CHTF18: variants seen among roughly 807,000 people sequenced by gnomAD.
CHTF18 encodes the protein chromosome transmission fidelity factor 18, also known as chromosome transmission fidelity protein 18 homolog.
Under a neutral mutation model 113.4 loss-of-function variants are expected in CHTF18, and 151 were observed. That is an observed-to-expected ratio of 1.33 (90% CI 1.17 to 1.52). The LOEUF is 1.52. Among genes scored for constraint, CHTF18 ranks in the 40% most tolerant of loss-of-function variants. The pLI, the probability that CHTF18 is intolerant of heterozygous loss-of-function variation, is 0.00. For missense variants in CHTF18, 1,982 were observed against 1,381.6 expected, an observed-to-expected ratio of 1.43 and a Z score of -6.89; for synonymous variants, 916 against 598.8, an observed-to-expected ratio of 1.53 and a Z score of -7.74.
At position 795,768 on chromosome 16, in the gene CHTF18, G is replaced by A. The variant is rs781682245; in HGVS notation, c.2259G>A (p.Thr753=). The A allele has an allele frequency of 2.1e-5, 34 of 1,609,228 alleles. No homozygotes were observed. Among genetic ancestry groups the A allele is most frequent in the South Asian group, 4.4e-5 (4 of 90,608 alleles). ...GIAPATRSRA[T]PQALLLDALC... ...CGCCAGCCACGCGCAGCCGGGCCAC[G>A]CCCCAGGCCCTGCTCCTCGATGCCC... The change falls in exon 17 of 22, where the codon ACG becomes ACA. Residue 753 remains threonine (T), a synonymous_variant. Coordinates refer to ENST00000262315, the MANE Select transcript of CHTF18 (RefSeq NM_022092.3).
At position 792,933 on chromosome 16, in the gene CHTF18, C is replaced by G. The variant is rs1039287905; in HGVS notation, c.1573-33C>G. 20 of 1,544,352 alleles carry G rather than the reference C, an allele frequency of 1.3e-5. 1 individual carries two copies. In the Admixed American group the frequency reaches 1.8e-4, roughly 14 times the overall value. On this transcript the variant is annotated intron_variant, in intron 12 of 21. Transcript: ENST00000262315. ...GTAACCCCTGAAAGGATGGGGCATA[C>G]CATCGGGCCCTCCAGCAGCCCTTCT...
At chr16:789,975 C>G (rs755048894) in intron 4 of CHTF18, 2 of 1,535,058 alleles carry the variant, frequency 1.3e-6, no homozygotes, top group South Asian at 1.2e-5. Context: ...TTCCTCCTTT[C>G]TCCTAAAGCT....
rs1326073376 is a variant in CHTF18 at position 792,962 on chromosome 16, C to G, written c.1573-4C>G. On this transcript the variant is annotated splice_region_variant and splice_polypyrimidine_tract_variant and intron_variant, in intron 12 of 21. Transcript: ENST00000262315. Reference sequence around the variant, plus strand: ...CGGGCCCTCCAGCAGCCCTTCTCCACCAGGTCTCCCTGCGGCAGGGCATGA... The same window carrying G: ...CGGGCCCTCCAGCAGCCCTTCTCCAGCAGGTCTCCCTGCGGCAGGGCATGA... 1 of 1,554,404 alleles carries G rather than the reference C, an allele frequency of 6.4e-7. No homozygotes were observed. The highest frequency in any genetic ancestry group is 1.4e-5 in the African/African-American group (1 of 73,284).
At position 791,260 on chromosome 16, in the gene CHTF18, G is replaced by T; in HGVS notation, c.994G>T (p.Ala332Ser). Residue 332 changes from alanine to serine, a missense_variant, in exon 8 of 22, where the codon GCC (alanine) becomes TCC (serine). Transcript: ENST00000262315. ...GAAGCCCAGGCCCAGTGTTGAGCCG[G>T]CCCGGGTCAGCAAGGAGGCCACAGC... Reference protein sequence around the residue: ...SRKPRPSVEPARVSKEATAPG... With the variant: ...SRKPRPSVEPSRVSKEATAPG... 6.2e-7 allele frequency: 1 copy of T among 1,610,318 alleles called. No homozygotes were observed. The highest frequency in any genetic ancestry group is 1.3e-5 in the African/African-American group (1 of 75,038).
At chr16:789,824 C>G (rs2277900) in intron 4 of CHTF18, 109 bp downstream of exon 4, 1 of 1,379,266 alleles carries the variant, frequency 7.3e-7, no homozygotes, top group Middle Eastern at 1.9e-4. Context: ...CTGTGCAGAG[C>G]CCCAGGGGTG....
rs369340732 is a variant in CHTF18, at chr16:792,604, C to T, written c.1478+14C>T. The T allele has an allele frequency of 1.0e-4, 167 of 1,593,110 alleles. 1 individual carries two copies. The African/African-American group carries it at 1.3e-3, about 12-fold the overall frequency. On this transcript the variant is annotated intron_variant, in intron 11 of 21. Transcript: ENST00000262315. ...TTGCAATGACCAGTGAGTGCATGGG[C>T]GGGCGCCACAGTCAGGAGAGGCTCT... is the stretch of plus-strand genomic sequence containing the variant.
chr16:788,926 A>C lies in CHTF18; in HGVS notation c.92-5A>C. ...GCGGCCGCTGACAATCTCCTCTCCC[A>C]GCAGGGGCGTCGACTCCGTCGCCCT... On this transcript the variant is annotated splice_polypyrimidine_tract_variant and splice_region_variant and intron_variant, in intron 1 of 21. Transcript: ENST00000262315. 1.3e-6 allele frequency: 2 copies of C among 1,543,022 alleles called. No homozygotes were observed. Among genetic ancestry groups the C allele is most frequent in the Non-Finnish European group, 1.7e-6 (2 of 1,154,180 alleles).
chr16:792,527 G>GC lies in CHTF18; in HGVS notation c.1417dup (p.Arg473ProfsTer20). On this transcript the variant is annotated frameshift_variant, in exon 11 of 22. Transcript: ENST00000262315. LOFTEE classifies it high-confidence loss of function. ...GGCCCGGCTGTGCCTTCGGGAGGCG[G>GC]CCGACGGCGCCGGGCAGAGGGGGGG... 1 of 1,593,824 alleles carries GC rather than the reference G, an allele frequency of 6.3e-7. No homozygotes were observed. Among genetic ancestry groups the GC allele is most frequent in the Non-Finnish European group, 8.5e-7 (1 of 1,174,034 alleles).
At position 789,063 on chromosome 16, in the gene CHTF18, A is replaced by G. The variant is rs1210986444; in HGVS notation, c.224A>G (p.Gln75Arg). ...CCAGCCGCATCTGTGGGCAGCAGCC[A>G]GGGCGGCGCCAGGAAGAGGCAGGTG... ...PAPAASVGSS[Q>R]GGARKRQVDA... Residue 75 changes from glutamine to arginine, a missense_variant, in exon 2 of 22, where the codon CAG becomes CGG. Transcript: ENST00000262315. The G allele has an allele frequency of 6.5e-7, 1 of 1,537,540 alleles. No homozygotes were observed.
Position 792,962 on chromosome 16 carries a change from C to T in CHTF18, c.1573-4C>T, listed in dbSNP as rs1326073376. On this transcript the variant is annotated splice_region_variant and splice_polypyrimidine_tract_variant and intron_variant, in intron 12 of 21. Coordinates refer to ENST00000262315, the MANE Select transcript of CHTF18 (RefSeq NM_022092.3). ...CGGGCCCTCCAGCAGCCCTTCTCCA[C>T]CAGGTCTCCCTGCGGCAGGGCATGA... 1 of 1,554,404 alleles carries T rather than the reference C, an allele frequency of 6.4e-7. No homozygotes were observed. Among genetic ancestry groups the T allele is most frequent in the Admixed American group, 1.9e-5 (1 of 51,892 alleles).
chr16:798,055 C>G lies in CHTF18; in HGVS notation c.*80C>G. On this transcript the variant is annotated 3_prime_UTR_variant, in exon 22 of 22. Transcript: ENST00000262315. ...GAAGCTGGAGATGTCTTTATAAAGT[C>G]ACACCTTTACAGACTGTAATCACGT... The G allele has an allele frequency of 6.6e-7, 1 of 1,512,882 alleles. No individual in the cohort carries two copies. The highest frequency in any genetic ancestry group is 8.9e-7 in the Non-Finnish European group (1 of 1,122,172). The allele number at this position is 1,512,882 out of a possible 1,614,324, so 93.7% of individuals were successfully genotyped here. A position where few individuals can be genotyped will look rare whatever the true frequency, so the allele number is the denominator to read the frequency against.
intron 17 of CHTF18, 32 bp from the exon 18 acceptor site, chr16:795,915 C>G (rs369717954): frequency 6.2e-6 from 10 of 1,601,810 alleles, no homozygotes; most frequent in Admixed American, 1.7e-5. Flanking sequence ...ACAGCCTGCT[C>G]AGCTCCCTGT....
chr16:794,056 G>A lies in CHTF18; in HGVS notation c.1805G>A (p.Arg602His), dbSNP rs540462587. ...TAGCTTCAGCACCCCACCTGCAGGC[G>A]CCGTGTGGGCCAGGACCCCGCCCTG... The part of the protein sequence containing the change: ...EVFQLPRAQR[R>H]RVGQDPALPA... Residue 602 changes from arginine (R) to histidine (H), a missense_variant and splice_region_variant, in exon 15 of 22, where the codon CGC becomes CAC. Physicochemically the swap from Arg to His is conservative, Grantham distance 29. Coordinates refer to ENST00000262315, the MANE Select transcript of CHTF18 (RefSeq NM_022092.3). The A allele has an allele frequency of 3.1e-5, 50 of 1,608,872 alleles. No homozygotes were observed. The highest frequency in any genetic ancestry group is 5.3e-5 in the African/African-American group (4 of 74,936).
In CHTF18 at chr16:792,876, C is replaced by G; in HGVS notation, c.1572+65C>G. The G allele has an allele frequency of 2.6e-6, 4 of 1,528,610 alleles. 1 individual carries two copies. Among genetic ancestry groups the G allele is most frequent in the Middle Eastern group, 1.8e-4 (1 of 5,422 alleles). The allele number at this position is 1,528,610 out of a possible 1,614,324, so 94.7% of individuals were successfully genotyped here. A position where few individuals can be genotyped will look rare whatever the true frequency, so the allele number is the denominator to read the frequency against. On this transcript the variant is annotated intron_variant, in intron 12 of 21. Coordinates refer to ENST00000262315, the MANE Select transcript of CHTF18 (RefSeq NM_022092.3). ...TTGGGGGCGTGGCCTCGTTCTGGCCCCTGTTTCCCTGCCCCTCCCCATGGA... is the reference window on the plus strand; with the variant it reads ...TTGGGGGCGTGGCCTCGTTCTGGCCGCTGTTTCCCTGCCCCTCCCCATGGA...
In CHTF18 at chr16:791,185, T is replaced by G. The variant is rs1567395500; in HGVS notation, c.919T>G (p.Trp307Gly). 8.1e-6 allele frequency: 13 copies of G among 1,611,416 alleles called. No homozygotes were observed. The highest frequency in any genetic ancestry group is 1.1e-5 in the Non-Finnish European group (13 of 1,179,484). ...GTTCACCAACCGCTGCCTGCTCAAG[T>G]GGCTGAAGTTGTGGGACCTGGTGGT... ...DDFTNRCLLK[W>G]LKLWDLVVFG... is the part of the protein sequence containing the mutation. The change falls in exon 8 of 22, where the codon TGG (tryptophan) becomes GGG (glycine). Residue 307 changes from tryptophan (W) to glycine (G), a missense_variant. Transcript: ENST00000262315.
In CHTF18 at chr16:796,894, G is replaced by A. The variant is rs200283595; in HGVS notation, c.2601+33G>A. The A allele has an allele frequency of 1.7e-3, 2,704 of 1,568,332 alleles. 4 individuals are homozygous for A. Among genetic ancestry groups the A allele is most frequent in the Non-Finnish European group, 2.1e-3 (2,399 of 1,153,718 alleles). ...CACCCAGGCTCTGGAGCAGGTTGCA[G>A]TCTGGGCGTGCACCATCCCCACTGT... On this transcript the variant is annotated intron_variant, in intron 19 of 21. Coordinates refer to ENST00000262315, the MANE Select transcript of CHTF18 (RefSeq NM_022092.3).
At chr16:794,838 C>A in intron 15 of CHTF18, 1 of 448,380 alleles carries the variant, frequency 2.2e-6, no homozygotes, top group East Asian at 4.3e-5. Flanking sequence ...TTCCTGGAGG[C>A]CTCCTGGTGG....
chr16:791,978 G>A lies in CHTF18; in HGVS notation c.1202+30G>A, dbSNP rs767193786. 11 of 1,584,418 alleles carry A rather than the reference G, an allele frequency of 6.9e-6. No individual in the cohort carries two copies. The East Asian group carries it at 1.4e-4, about 20-fold the overall frequency. ...GTGATGTGAGGTCCGTCTCTGGCTC[G>A]CCTTCTGTCCTGACGTGTTTGAGTT... On this transcript the variant is annotated intron_variant, in intron 9 of 21. Transcript: ENST00000262315.
In CHTF18 at chr16:793,072, G is replaced by A. The variant is rs1358251341; in HGVS notation, c.1671+8G>A. 2 of 1,546,314 alleles carry A rather than the reference G, an allele frequency of 1.3e-6. No individual in the cohort carries two copies. Among genetic ancestry groups the A allele is most frequent in the African/African-American group, 2.7e-5 (2 of 73,322 alleles). On this transcript the variant is annotated splice_region_variant and intron_variant, in intron 13 of 21. Coordinates refer to ENST00000262315, the MANE Select transcript of CHTF18 (RefSeq NM_022092.3). ...TGCATCAACACCCTGCAGGTGGGCG[G>A]CCGGCAGGCACCGGGTGGGGTGGGG... is the stretch of plus-strand genomic sequence containing the variant.
Sources: allele counts gnomAD v4.1 joint callset, GRCh38; gene constraint gnomAD v4.1.1; transcripts MANE v1.5; gene names NCBI Gene and HGNC (gene_info 2026-07-23, HGNC 2026-07-21).